ZSCAN5A: variants seen among roughly 807,000 people sequenced by gnomAD.
ZSCAN5A encodes the protein zinc finger and SCAN domain containing 5A.
Under a neutral mutation model 23.7 loss-of-function variants are expected in ZSCAN5A, and 12 were observed. That is an observed-to-expected ratio of 0.51 (90% CI 0.32 to 0.82). The LOEUF is 0.82. Among genes scored for constraint, ZSCAN5A ranks in the 40% least tolerant of loss-of-function variants. ZSCAN5A has a pLI of 0.03. For synonymous variants in ZSCAN5A, 257 were observed against 239.9 expected (o/e 1.07, Z -0.66); for missense variants, 597 against 617.9 (o/e 0.97, Z 0.36).
intron 2 of ZSCAN5A, among the ~76,000 whole-genome samples, chr19:56,324,064 A>G (rs933556577): frequency 2.0e-5 from 3 of 152,136 alleles, no homozygotes; most frequent in Non-Finnish European, 4.4e-5. Context: ...GTACTACTGA[A>G]CAGTAGATCT....
At chr19:56,319,611 G>A (rs552350887), upstream of ZSCAN5A, among the ~76,000 whole-genome samples, 7 of 151,936 alleles carry the variant, frequency 4.6e-5, no homozygotes, top group Non-Finnish European at 1.0e-4. Flanking sequence ...GTGAAGGACC[G>A]TGTGTTTTAG....
intron 2 of ZSCAN5A, among the ~76,000 whole-genome samples, chr19:56,325,203 G>A (rs1390776637): frequency 6.6e-6 from 1 of 152,074 alleles, no homozygotes; most frequent in Non-Finnish European, 1.5e-5. Context: ...TATATAATTT[G>A]CTTATTCTAT....
chr19:56,314,252 G>C (rs2041224741), intron 1 of ZSCAN5A: 1 of 152,222 alleles, frequency 6.6e-6, no homozygotes, highest in African/African-American at 2.4e-5. Context: ...GCACGAACCT[G>C]TAATCAAGGA....
At chr19:56,274,930 G>C (rs766037009) in intron 2 of ZSCAN5A, 1 of 152,166 alleles carries the variant, frequency 6.6e-6, no homozygotes, top group South Asian at 2.1e-4. Context: ...GAAGAGCTCT[G>C]ATCAGTTGTT....
At chr19:56,353,124 G>A (rs1600300215) in intron 2 of ZSCAN5A, among the ~76,000 whole-genome samples, 2 of 152,232 alleles carry the variant, frequency 1.3e-5, no homozygotes, top group Admixed American at 6.5e-5. Flanking sequence ...CATGGATGAG[G>A]AGAAGGCACA....
intron 2 of ZSCAN5A, among the ~76,000 whole-genome samples, chr19:56,361,954 G>A (rs559623549): frequency 8.6e-5 from 13 of 151,134 alleles, no homozygotes; most frequent in Non-Finnish European, 1.5e-4. Flanking sequence ...TCAGGAGATC[G>A]AGACCATCCT....
chr19:56,314,526 C>T (rs12973009), intron 1 of ZSCAN5A, 155 bp downstream of exon 1: 8,991 of 152,390 alleles, frequency 0.059, 360 homozygotes, highest in South Asian at 0.093. Flanking sequence ...GGAAACTCCT[C>T]CAGTCCCATC....
chr19:56,245,588 T>G (rs563419985), intron 2 of ZSCAN5A, among the ~76,000 whole-genome samples: 4 of 152,192 alleles, frequency 2.6e-5, no homozygotes, highest in East Asian at 1.9e-4. Context: ...TCACAGAGAA[T>G]GAAGCCTCAT....
intron 2 of ZSCAN5A, among the ~76,000 whole-genome samples, chr19:56,267,160 T>C (rs1174652770): frequency 6.6e-6 from 1 of 152,158 alleles, no homozygotes; most frequent in Non-Finnish European, 1.5e-5. Flanking sequence ...CTCAACCCCA[T>C]CGGTCTCTAA....
At chr19:56,294,769 G>A (rs1271475247) in intron 2 of ZSCAN5A, among the ~76,000 whole-genome samples, 1 of 152,224 alleles carries the variant, frequency 6.6e-6, no homozygotes, top group Admixed American at 6.5e-5. Context: ...TAAATAAAAT[G>A]TGTCTATTCA....
In ZSCAN5A at chr19:56,352,314, A is replaced by T. The variant is rs1354020133; in HGVS notation, c.-358+10921T>A. Among the ~76,000 whole-genome samples the T allele has an allele frequency of 6.6e-6, 1 of 152,188 alleles. No individual in the cohort carries two copies. Among genetic ancestry groups the T allele is most frequent in the Non-Finnish European group, 1.5e-5 (1 of 68,034 alleles). On this transcript the variant is annotated intron_variant, in intron 2 of 6. Coordinates refer to the ZSCAN5A transcript ENST00000587340. This position sits in a 1 kb window ranked among gnomAD's most constrained non-coding sequence, Gnocchi z 4.2. ...CGGATTAAACCAGACAATTAAACAT[A>T]ATGCAAATGAATGTGATTACTGGGG...
Position 56,240,110 on chromosome 19 carries a change from C to T in ZSCAN5A, c.-127-14937G>A, listed in dbSNP as rs143039734. On this transcript the variant is annotated intron_variant, in intron 2 of 5. Transcript: ENST00000683990. Reference sequence around the variant, plus strand: ...CCAGGAGGTGGAGCTTGCAGTGAGCCGAGATCACGCCACTGAACTCTAGCC... The same window carrying T: ...CCAGGAGGTGGAGCTTGCAGTGAGCTGAGATCACGCCACTGAACTCTAGCC... Among the ~76,000 whole-genome samples, 480 of 151,360 alleles carry T rather than the reference C, an allele frequency of 3.2e-3. 6 individuals are homozygous for T. Among genetic ancestry groups the T allele is most frequent in the African/African-American group, 0.011 (447 of 41,218 alleles).
chr19:56,346,716 T>A (rs7257563), intron 2 of ZSCAN5A, among the ~76,000 whole-genome samples: 1 of 151,744 alleles, frequency 6.6e-6, no homozygotes, highest in African/African-American at 2.4e-5. Context: ...TTTTATTTTT[T>A]ATTTTTTTTT....
intron 2 of ZSCAN5A, among the ~76,000 whole-genome samples, chr19:56,271,368 T>C (rs1281407339): frequency 6.6e-6 from 1 of 152,240 alleles, no homozygotes; most frequent in Non-Finnish European, 1.5e-5. Context: ...TCTGAATTAA[T>C]AGCCTTTGCT....
intron 3 of ZSCAN5A, 119 bp downstream of exon 3, chr19:56,224,544 C>G: frequency 7.9e-7 from 1 of 1,271,538 alleles, no homozygotes. Flanking sequence ...CGGGCAAACT[C>G]TCCTCTACTT....
intron 3 of ZSCAN5A, 177 bp downstream of exon 3, chr19:56,224,486 C>T: frequency 1.1e-6 from 1 of 946,412 alleles, no homozygotes; most frequent in Non-Finnish European, 1.6e-6. Context: ...CGTCTCCTGT[C>T]CTCCCTGACA....
intron 2 of ZSCAN5A, chr19:56,321,999 G>T: frequency 1.3e-6 from 1 of 779,218 alleles, no homozygotes; most frequent in Non-Finnish European, 2.4e-6. Context: ...CTGGTCCCTG[G>T]TAAGTAATCA....
chr19:56,350,121 A>ATCATCC (rs1212389537), intron 2 of ZSCAN5A, among the ~76,000 whole-genome samples: 7 of 152,246 alleles, frequency 4.6e-5, no homozygotes, highest in Admixed American at 3.3e-4. Flanking sequence ...TTGCCAGATT[A>ATCATCC]TCATCCTTAT....
At chr19:56,298,251 A>G (rs1193364257) in intron 2 of ZSCAN5A, 1 of 152,178 alleles carries the variant, frequency 6.6e-6, no homozygotes, top group Non-Finnish European at 1.5e-5. Context: ...TAAGGTGATC[A>G]TTGGAGAAAC....
Sources: allele counts gnomAD v4.1 joint callset (sites outside exome capture counted in the v4.1 genomes callset), GRCh38; gene constraint gnomAD v4.1.1; non-coding constraint Gnocchi (gnomAD v3.1); transcripts MANE v1.5; gene names NCBI Gene and HGNC (gene_info 2026-07-23, HGNC 2026-07-21).